SNTG2: variants seen among roughly 807,000 people sequenced by gnomAD.
SNTG2 encodes the protein gamma-2-syntrophin.
In SNTG2, 74 loss-of-function variants were observed where a neutral mutation model predicts 70.9. The ratio of observed to expected loss-of-function variants is 1.04; its 90% confidence interval spans 0.86 to 1.27. SNTG2 has a LOEUF of 1.27. Among genes scored for constraint, SNTG2 ranks in the 50% most tolerant of loss-of-function variants. The pLI, the probability that SNTG2 is intolerant of heterozygous loss-of-function variation, is 0.00. For synonymous variants in SNTG2, 278 were observed against 273.8 expected (o/e 1.02, Z -0.15); for missense variants, 717 against 690.7 (o/e 1.04, Z -0.43).
rs1659939074 is a variant in SNTG2 at position 951,079 on chromosome 2, C to G, written c.72+11C>G. ...CTGGTACCTGCGCGGGTGAGTGCGG[C>G]CCCTCAGCGCCCCTTCACCTCCGGC... On this transcript the variant is annotated intron_variant, in intron 1 of 16. Coordinates refer to ENST00000308624, the MANE Select transcript of SNTG2 (RefSeq NM_018968.4). 1 of 1,238,728 alleles carries G rather than the reference C, an allele frequency of 8.1e-7. No homozygotes were observed. Among genetic ancestry groups the G allele is most frequent in the Admixed American group, 4.2e-5 (1 of 23,852 alleles). The allele number at this position is 1,238,728 out of a possible 1,614,324, so 76.7% of individuals were successfully genotyped here.
intron 15 of SNTG2, among the ~76,000 whole-genome samples, chr2:1,310,614 C>T (rs1428680476): frequency 3.3e-5 from 5 of 150,838 alleles, no homozygotes; most frequent in Non-Finnish European, 7.4e-5. Flanking sequence ...ACATTTCCTA[C>T]CTTCATTTCC....
chr2:1,044,127 C>T (rs532474631), intron 1 of SNTG2, among the ~76,000 whole-genome samples: 42 of 152,002 alleles, frequency 2.8e-4, no homozygotes, highest in African/African-American at 6.0e-4. Flanking sequence ...CTTTCACCAC[C>T]GCTGCCCCCC....
At position 1,241,167 on chromosome 2, in the gene SNTG2, G is replaced by C. The variant is rs138232877; in HGVS notation, c.888+1391G>C. Among the ~76,000 whole-genome samples the C allele has an allele frequency of 2.5e-3, 383 of 152,244 alleles. 5 individuals carry two copies. Among genetic ancestry groups the C allele is most frequent in the African/African-American group, 8.5e-3 (353 of 41,550 alleles). Reference sequence around the variant, plus strand: ...TTTATGGCAAAGCTGAGACTCTTCCGAGATCTTAGGAGGAGCCGCAGCTTC... The same window carrying C: ...TTTATGGCAAAGCTGAGACTCTTCCCAGATCTTAGGAGGAGCCGCAGCTTC... On this transcript the variant is annotated intron_variant, in intron 11 of 16. Transcript: ENST00000308624.
chr2:1,022,210 G>A (rs1269961462), intron 1 of SNTG2, among the ~76,000 whole-genome samples: 1 of 152,112 alleles, frequency 6.6e-6, no homozygotes, highest in South Asian at 2.1e-4. Context: ...GAATCCCTAG[G>A]TTCTTGCAAG....
At chr2:1,349,500 C>G (rs780688727) in intron 16 of SNTG2, among the ~76,000 whole-genome samples, 2 of 152,212 alleles carry the variant, frequency 1.3e-5, no homozygotes, top group Non-Finnish European at 2.9e-5. Flanking sequence ...GGTCCTTGAA[C>G]AAGAACAGGG....
intron 1 of SNTG2, among the ~76,000 whole-genome samples, chr2:1,014,780 A>G (rs1026459197): frequency 5.3e-5 from 8 of 152,140 alleles, no homozygotes; most frequent in African/African-American, 1.9e-4. Context: ...ATAAGAGCAG[A>G]GAGAAGGGTG....
chr2:1,265,182 G>A (rs1322290853), intron 13 of SNTG2, among the ~76,000 whole-genome samples: 1 of 152,160 alleles, frequency 6.6e-6, no homozygotes, highest in Non-Finnish European at 1.5e-5. Context: ...GCACCATAAG[G>A]TCAATGATGA....
At chr2:1,259,312 A>G (rs1678289932) in intron 12 of SNTG2, 58 bp from the exon 13 acceptor site, 1 of 1,551,808 alleles carries the variant, frequency 6.4e-7, no homozygotes, top group Non-Finnish European at 8.9e-7. Flanking sequence ...TAAATTTTTA[A>G]ATTTTTCAAC....
At chr2:1,087,899 G>T (rs948755937) in intron 2 of SNTG2, among the ~76,000 whole-genome samples, 2 of 151,934 alleles carry the variant, frequency 1.3e-5, no homozygotes, top group African/African-American at 4.8e-5. Flanking sequence ...TTGCAAGCGT[G>T]TAGGAGTTTA....
At position 1,321,353 on chromosome 2, in the gene SNTG2, A is replaced by G. The variant is rs545093483; in HGVS notation, c.1488+4978A>G. 2.1e-4 allele frequency among the ~76,000 whole-genome samples: 32 copies of G among 152,310 alleles called. 2 individuals are homozygous for G. In the South Asian group the frequency reaches 2.3e-3, roughly 11 times the overall value. On this transcript the variant is annotated intron_variant, in intron 16 of 16. Transcript: ENST00000308624. Reference sequence around the variant, plus strand: ...AACACTACCGTGTATTTTTCACTCTATAATGATCTGTGAGAGTAAACCCCA... The same window carrying G: ...AACACTACCGTGTATTTTTCACTCTGTAATGATCTGTGAGAGTAAACCCCA...
chr2:1,166,661 G>T (rs1033272542), intron 7 of SNTG2, among the ~76,000 whole-genome samples: 1 of 152,160 alleles, frequency 6.6e-6, no homozygotes, highest in Non-Finnish European at 1.5e-5. Flanking sequence ...GCACCCCCAG[G>T]CCTGTGCCCA....
chr2:1,205,448 C>T (rs1408672336), intron 8 of SNTG2, among the ~76,000 whole-genome samples: 1 of 152,222 alleles, frequency 6.6e-6, no homozygotes, highest in East Asian at 1.9e-4. Flanking sequence ...TTTTTGTCAA[C>T]CCCAAAGAAC....
At position 1,075,180 on chromosome 2, in the gene SNTG2, C is replaced by T. The variant is rs577415769; in HGVS notation, c.73-8338C>T. Among the ~76,000 whole-genome samples the T allele has an allele frequency of 3.9e-5, 6 of 152,302 alleles. No homozygotes were observed. In the South Asian group the frequency reaches 1.0e-3, roughly 26 times the overall value. On this transcript the variant is annotated intron_variant, in intron 1 of 16. Transcript: ENST00000308624. The stretch of plus-strand genomic sequence containing the variant: ...GGGTTGGAGTATAATTAAACAGACA[C>T]ATGTGTGCATGTTTTTAAGTGGAGA...
intron 14 of SNTG2, among the ~76,000 whole-genome samples, chr2:1,274,514 A>G (rs1679191058): frequency 1.3e-5 from 2 of 152,216 alleles, no homozygotes; most frequent in Non-Finnish European, 1.5e-5. Context: ...GGTCCACTTC[A>G]TTGAGTTTTT....
At chr2:1,090,920 C>T (rs1402248179) in intron 2 of SNTG2, among the ~76,000 whole-genome samples, 2 of 152,174 alleles carry the variant, frequency 1.3e-5, no homozygotes, top group African/African-American at 2.4e-5. Flanking sequence ...TTATCTCCAG[C>T]CTCAGGTGTT....
At chr2:1,233,629 G>C (rs1676409445) in intron 9 of SNTG2, among the ~76,000 whole-genome samples, 1 of 152,198 alleles carries the variant, frequency 6.6e-6, no homozygotes. Flanking sequence ...GTGGAGACCT[G>C]AGCACGTAAC....
At chr2:1,295,685 C>A (rs574035989) in intron 14 of SNTG2, among the ~76,000 whole-genome samples, 1 of 151,628 alleles carries the variant, frequency 6.6e-6, no homozygotes, top group African/African-American at 2.4e-5. Context: ...ATGATTTCCA[C>A]TGTAGAAGGC....
At chr2:1,088,686 A>C (rs112940710) in intron 2 of SNTG2, among the ~76,000 whole-genome samples, 106 of 152,326 alleles carry the variant, frequency 7.0e-4, no homozygotes, top group African/African-American at 2.5e-3. Flanking sequence ...GTCCATAGTC[A>C]AACTGTAATA....
At chr2:1,068,501 C>G (rs1663305598) in intron 1 of SNTG2, among the ~76,000 whole-genome samples, 2 of 152,150 alleles carry the variant, frequency 1.3e-5, no homozygotes, top group South Asian at 4.1e-4. Flanking sequence ...TGATATTTCC[C>G]TACAGGCATA....
Sources: allele counts gnomAD v4.1 joint callset (sites outside exome capture counted in the v4.1 genomes callset), GRCh38; gene constraint gnomAD v4.1.1; transcripts MANE v1.5; gene names NCBI Gene and HGNC (gene_info 2026-07-23, HGNC 2026-07-21).